Variants in THSD7B observed in about 807,000 individuals in gnomAD.
THSD7B encodes thrombospondin type 1 domain containing 7B.
A neutral mutation model predicts 213.6 loss-of-function variants in THSD7B; 138 were observed. That is an observed-to-expected ratio of 0.65 (90% CI 0.56 to 0.74). The LOEUF (loss-of-function observed/expected upper bound fraction) is 0.74. Among genes scored for constraint, THSD7B ranks in the 30% least tolerant of loss-of-function variants. THSD7B has a pLI of 0.00. For synonymous variants in THSD7B, 742 were observed against 687.0 expected, an observed-to-expected ratio of 1.08 and a Z score of -1.25; for missense variants, 1,931 against 1,991.5, an observed-to-expected ratio of 0.97 and a Z score of 0.58.
chr2:137,505,655 T>C (rs1558820219), intron 15 of THSD7B, among the ~76,000 whole-genome samples: 1 of 152,152 alleles, frequency 6.6e-6, no homozygotes, highest in Non-Finnish European at 1.5e-5. Flanking sequence ...TGTTTTAAAA[T>C]AAAGTAGATT....
At chr2:137,198,533 T>G (rs1335283855) in intron 7 of THSD7B, among the ~76,000 whole-genome samples, 1 of 152,186 alleles carries the variant, frequency 6.6e-6, no homozygotes, top group Non-Finnish European at 1.5e-5. Context: ...CTTGGCCTTC[T>G]GAGGAAAAGA....
chr2:137,285,716 G>A (rs575394218), intron 12 of THSD7B, among the ~76,000 whole-genome samples: 58 of 151,952 alleles, frequency 3.8e-4, no homozygotes, highest in African/African-American at 1.4e-3. Context: ...ATATTTGCAT[G>A]TATTTACCAT....
chr2:137,433,561 C>T (rs1687230607), intron 14 of THSD7B, among the ~76,000 whole-genome samples: 1 of 151,932 alleles, frequency 6.6e-6, no homozygotes, highest in Non-Finnish European at 1.5e-5. Context: ...TTCATGTTGG[C>T]CAGGCTGGTC....
At chr2:137,448,574 C>A (rs1257708715) in intron 14 of THSD7B, among the ~76,000 whole-genome samples, 1 of 152,102 alleles carries the variant, frequency 6.6e-6, no homozygotes. Flanking sequence ...CTTTGGGAGG[C>A]CGAGGCGGGC....
chr2:136,808,080 T>C (rs1295117546), intron 1 of THSD7B, among the ~76,000 whole-genome samples: 2 of 152,224 alleles, frequency 1.3e-5, no homozygotes, highest in East Asian at 1.9e-4. Context: ...CTTCTCCCTT[T>C]GCTTTGCTGC....
intron 25 of THSD7B, among the ~76,000 whole-genome samples, 187 bp from the exon 26 acceptor site, chr2:137,663,196 G>A (rs971897589): frequency 3.9e-5 from 6 of 152,122 alleles, no homozygotes; most frequent in Non-Finnish European, 7.4e-5. Flanking sequence ...TTTGATTTAA[G>A]AGCTGACTTT....
chr2:137,194,959 AG>A (rs1680728983), intron 7 of THSD7B, among the ~76,000 whole-genome samples: 2 of 152,106 alleles, frequency 1.3e-5, no homozygotes, highest in African/African-American at 4.8e-5. Context: ...TAATAGTGGT[AG>A]AAACAGTGGG....
At chr2:137,489,944 G>A (rs1020870726) in intron 15 of THSD7B, among the ~76,000 whole-genome samples, 17 of 152,100 alleles carry the variant, frequency 1.1e-4, no homozygotes, top group Non-Finnish European at 1.9e-4. Flanking sequence ...GTGTCACGTA[G>A]AGAAAACACT....
Position 136,952,026 on chromosome 2 carries a change from C to T in THSD7B, c.139+69709C>T, listed in dbSNP as rs995746721. On this transcript the variant is annotated intron_variant, in intron 2 of 27. Coordinates refer to ENST00000409968, the MANE Select transcript of THSD7B (RefSeq NM_001316349.2). ...CTGGAACTACAGGCACGCACCATCA[C>T]GCCCAGCTAATTTTTGTATTTTTAG... 9.9e-5 allele frequency among the ~76,000 whole-genome samples: 15 copies of T among 152,116 alleles called. 1 individual carries two copies. The highest frequency in any genetic ancestry group is 2.1e-4 in the South Asian group (1 of 4,810).
chr2:137,350,224 A>G (rs1318992040), intron 12 of THSD7B, among the ~76,000 whole-genome samples: 1 of 151,872 alleles, frequency 6.6e-6, no homozygotes, highest in Non-Finnish European at 1.5e-5. Context: ...GGAAAAGTTC[A>G]GAGTACAATA....
chr2:136,963,218 G>C (rs1685255662), intron 2 of THSD7B, among the ~76,000 whole-genome samples: 1 of 152,078 alleles, frequency 6.6e-6, no homozygotes, highest in South Asian at 2.1e-4. Flanking sequence ...CCCACCCCCA[G>C]TCCTTCCATC....
chr2:137,505,867 G>A (rs1679822451), intron 15 of THSD7B, among the ~76,000 whole-genome samples: 2 of 152,210 alleles, frequency 1.3e-5, no homozygotes, highest in Admixed American at 1.3e-4. Context: ...TTCCAGGGAA[G>A]AAATGGATAA....
intron 14 of THSD7B, among the ~76,000 whole-genome samples, chr2:137,426,637 A>C (rs551971658): frequency 2.6e-5 from 4 of 152,332 alleles, no homozygotes; most frequent in South Asian, 4.1e-4. Flanking sequence ...TCCTTATCTT[A>C]CATCATGCAC....
intron 2 of THSD7B, among the ~76,000 whole-genome samples, chr2:136,894,945 G>T (rs1573695267): frequency 6.6e-6 from 1 of 152,006 alleles, no homozygotes; most frequent in Admixed American, 6.6e-5. Context: ...AGAGCTCTGG[G>T]ATTCTATCCA....
chr2:137,663,509 A>T lies in THSD7B; in HGVS notation c.4585A>T (p.Asn1529Tyr). Residue 1529 changes from asparagine (N) to tyrosine (Y), a missense_variant, in exon 26 of 28, where the codon AAC (asparagine) becomes TAC (tyrosine). Coordinates refer to ENST00000409968, the MANE Select transcript of THSD7B (RefSeq NM_001316349.2). ...TGATGTGAAAAACCTTTCTGGGAAA[A>T]ACAGACCTGTGAATTCAAAAATACA... ...KADVKNLSGKNRPVNSKIHDI... is the reference protein window; with the variant it reads ...KADVKNLSGKYRPVNSKIHDI... 1 of 1,607,594 alleles carries T rather than the reference A, an allele frequency of 6.2e-7. No individual in the cohort carries two copies. Among genetic ancestry groups the T allele is most frequent in the Non-Finnish European group, 8.5e-7 (1 of 1,176,598 alleles).
chr2:137,657,724 G>A (rs117894768), intron 24 of THSD7B, among the ~76,000 whole-genome samples: 2 of 152,154 alleles, frequency 1.3e-5, no homozygotes, highest in Admixed American at 1.3e-4. Flanking sequence ...CTGAGCAAGA[G>A]GTCCCTCATT....
intron 12 of THSD7B, among the ~76,000 whole-genome samples, chr2:137,369,982 GAA>G (rs11379036): frequency 1.3e-5 from 2 of 152,042 alleles, no homozygotes; most frequent in Non-Finnish European, 2.9e-5. Context: ...AAAATTGGAA[GAA>G]AAAATCTGCC....
intron 15 of THSD7B, among the ~76,000 whole-genome samples, chr2:137,500,119 A>G (rs1370913191): frequency 2.0e-5 from 3 of 152,074 alleles, no homozygotes; most frequent in Non-Finnish European, 4.4e-5. Context: ...ATTCCAATCA[A>G]AGGCTCCTCT....
chr2:136,784,151 C>A (rs905226128), intron 1 of THSD7B, among the ~76,000 whole-genome samples: 1 of 152,134 alleles, frequency 6.6e-6, no homozygotes, highest in Non-Finnish European at 1.5e-5. Flanking sequence ...ATACGACTCA[C>A]CTTTACCCTG....
Sources: allele counts gnomAD v4.1 joint callset (sites outside exome capture counted in the v4.1 genomes callset), GRCh38; gene constraint gnomAD v4.1.1; transcripts MANE v1.5; gene names NCBI Gene and HGNC (gene_info 2026-07-23, HGNC 2026-07-21).